Variants in ROCK1 observed in about 807,000 individuals in gnomAD.
ROCK1 encodes rho-associated protein kinase 1.
Under a neutral mutation model 196.8 loss-of-function variants are expected in ROCK1, and 36 were observed. That is an observed-to-expected ratio of 0.18 (90% CI 0.14 to 0.24). The LOEUF (loss-of-function observed/expected upper bound fraction) is 0.24, where lower values mean the gene tolerates loss of function less well. Among genes scored for constraint, ROCK1 ranks in the 10% least tolerant of loss-of-function variants. ROCK1 has a pLI of 1.00. For missense variants in ROCK1, 920 were observed against 1,562.0 expected (o/e 0.59, Z 6.93); for synonymous variants, 443 against 515.9 (o/e 0.86, Z 1.91).
At chr18:21,075,951 C>CAAAA (rs1286047222) in intron 1 of ROCK1, among the ~76,000 whole-genome samples, 2 of 65,080 alleles carry the variant, frequency 3.1e-5, no homozygotes, top group Non-Finnish European at 6.8e-5. Flanking sequence ...GACTCTGTCT[C>CAAAA]AAAAAAAAAA....
At chr18:20,990,094 T>A (rs1210141879) in intron 18 of ROCK1, among the ~76,000 whole-genome samples, 1 of 151,756 alleles carries the variant, frequency 6.6e-6, no homozygotes, top group African/African-American at 2.4e-5. Context: ...AATAAATAAT[T>A]TTTAAAAATT....
In ROCK1 at chr18:21,042,590, C is replaced by T. The variant is rs1398791549; in HGVS notation, c.795G>A (p.Gly265=). ...CTACAAGCATTTCGTATAAAAATACCCCAACCGACCACCAGTCACATTCTC... is the reference window on the plus strand; with the variant it reads ...CTACAAGCATTTCGTATAAAAATACTCCAACCGACCACCAGTCACATTCTC... ...YGRECDWWSV[G]VFLYEMLVGD... Residue 265 remains glycine (G), a synonymous_variant, in exon 7 of 33, where the codon GGG becomes GGA. Transcript: ENST00000399799. 1 of 1,613,626 alleles carries T rather than the reference C, an allele frequency of 6.2e-7. No homozygotes were observed. Among genetic ancestry groups the T allele is most frequent in the Non-Finnish European group, 8.5e-7 (1 of 1,179,774 alleles).
intron 1 of ROCK1, among the ~76,000 whole-genome samples, chr18:21,086,086 T>C (rs1469193525): frequency 6.6e-6 from 1 of 150,536 alleles, no homozygotes; most frequent in Non-Finnish European, 1.5e-5. Flanking sequence ...TCATACATTC[T>C]TTGGTTAGTA....
At chr18:21,083,599 A>G (rs2036500258) in intron 1 of ROCK1, among the ~76,000 whole-genome samples, 1 of 152,180 alleles carries the variant, frequency 6.6e-6, no homozygotes. Context: ...CAGCCTACTC[A>G]ATGTGAAGAT....
chr18:20,981,034 T>C (rs2035527599), intron 21 of ROCK1, among the ~76,000 whole-genome samples: 1 of 152,012 alleles, frequency 6.6e-6, no homozygotes, highest in Non-Finnish European at 1.5e-5. Flanking sequence ...TCTTGACTAA[T>C]GTTAGAAAAA....
intron 2 of ROCK1, among the ~76,000 whole-genome samples, chr18:21,056,220 A>T (rs1485718711): frequency 2.6e-5 from 4 of 152,152 alleles, no homozygotes; most frequent in Non-Finnish European, 5.9e-5. Flanking sequence ...CCAAATTTTT[A>T]TCTCTAGTCT....
intron 32 of ROCK1, chr18:20,953,371 A>C (rs2035208893): frequency 2.4e-6 from 1 of 415,448 alleles, no homozygotes. Context: ...TAGACACAGA[A>C]CTAAATAAAT....
At chr18:21,046,728 A>G (rs1395317777) in intron 4 of ROCK1, among the ~76,000 whole-genome samples, 1 of 152,362 alleles carries the variant, frequency 6.6e-6, no homozygotes, top group African/African-American at 2.4e-5. Context: ...TTAAACTAAA[A>G]AAAACAAGCC....
Position 21,111,303 on chromosome 18 carries a change from T to TC in ROCK1, c.-394dup. ...AGAGAAAGAGAAGCAGGGTGGAGAC[T>TC]CCCTCCGGGCAACAAGGGAGGGAGA... On this transcript the variant is annotated 5_prime_UTR_variant, in exon 1 of 33. Coordinates refer to ENST00000399799, the MANE Select transcript of ROCK1 (RefSeq NM_005406.3). This position sits in a 1 kb window ranked among gnomAD's most constrained non-coding sequence, Gnocchi z 4.2. The TC allele has an allele frequency of 2.2e-6, 1 of 454,174 alleles. No homozygotes were observed. Among genetic ancestry groups the TC allele is most frequent in the Non-Finnish European group, 3.9e-6 (1 of 259,454 alleles). 28.1% of individuals were successfully genotyped at this position (454,174 alleles called of 1,614,324 possible).
At chr18:21,023,912 A>C (rs1307877121) in intron 10 of ROCK1, among the ~76,000 whole-genome samples, 2 of 152,218 alleles carry the variant, frequency 1.3e-5, no homozygotes, top group Non-Finnish European at 2.9e-5. Context: ...CATATGACTT[A>C]ATATTCCTGC....
intron 11 of ROCK1, among the ~76,000 whole-genome samples, chr18:21,021,726 C>A (rs73959775): frequency 0.011 from 1,613 of 152,228 alleles, 34 homozygotes; most frequent in African/African-American, 0.037. Flanking sequence ...AAGGTAGCAA[C>A]CACTGATAAA....
intron 16 of ROCK1, among the ~76,000 whole-genome samples, chr18:21,003,896 C>T (rs2035747238): frequency 6.6e-6 from 1 of 151,870 alleles, no homozygotes; most frequent in South Asian, 2.1e-4. Context: ...ACTTCTGGTT[C>T]CAAGCAAACA....
At chr18:21,056,356 A>G (rs1472684458) in intron 2 of ROCK1, among the ~76,000 whole-genome samples, 6 of 152,144 alleles carry the variant, frequency 3.9e-5, no homozygotes, top group Non-Finnish European at 7.4e-5. Flanking sequence ...ACTTATACCT[A>G]TGTGTCCCAC....
intron 2 of ROCK1, among the ~76,000 whole-genome samples, chr18:21,061,335 C>G (rs2036288865): frequency 6.6e-6 from 1 of 152,158 alleles, no homozygotes; most frequent in Non-Finnish European, 1.5e-5. Flanking sequence ...CCGCTTCAGC[C>G]TCCCAAGGTG....
Position 20,984,610 on chromosome 18 carries a change from C to T in ROCK1, c.2305-75G>A, listed in dbSNP as rs550794982. On this transcript the variant is annotated intron_variant, in intron 19 of 32. Coordinates refer to ENST00000399799, the MANE Select transcript of ROCK1 (RefSeq NM_005406.3). Reference sequence around the variant, plus strand: ...TAGACATTATTTGAAAGACTACTAACCAAATCAAGTACATTATAATTCATG... The same window carrying T: ...TAGACATTATTTGAAAGACTACTAATCAAATCAAGTACATTATAATTCATG... 4 of 1,078,352 alleles carry T rather than the reference C, an allele frequency of 3.7e-6. No individual in the cohort carries two copies. The Admixed American group carries it at 9.9e-5, about 27-fold the overall frequency. The allele number at this position is 1,078,352 out of a possible 1,614,324, so 66.8% of individuals were successfully genotyped here. A position where few individuals can be genotyped will look rare whatever the true frequency, so the allele number is the denominator to read the frequency against.
intron 1 of ROCK1, among the ~76,000 whole-genome samples, chr18:21,095,355 G>A (rs1463056066): frequency 1.3e-5 from 2 of 151,642 alleles, no homozygotes; most frequent in Non-Finnish European, 2.9e-5. Flanking sequence ...CCCACTTCTA[G>A]GTACATATGC....
intron 16 of ROCK1, among the ~76,000 whole-genome samples, chr18:21,004,907 G>C (rs548777674): frequency 6.6e-6 from 1 of 152,134 alleles, no homozygotes; most frequent in Non-Finnish European, 1.5e-5. Context: ...CCTCAGCTAA[G>C]AACCAACAGG....
rs554462037 is a variant in ROCK1 at position 20,967,734 on chromosome 18, C to A, written c.3192+18G>T. The stretch of plus-strand genomic sequence containing the variant: ...ATAATCCTTCACACTCATATCCATA[C>A]ACACACAGAAACCTTACCGCTTGCA... On this transcript the variant is annotated intron_variant, in intron 26 of 32. Transcript: ENST00000399799. 1 of 1,553,298 alleles carries A rather than the reference C, an allele frequency of 6.4e-7. No homozygotes were observed. Among genetic ancestry groups the A allele is most frequent in the South Asian group, 1.2e-5 (1 of 81,064 alleles).
chr18:20,994,191 G>C (rs2035650866), intron 16 of ROCK1, among the ~76,000 whole-genome samples: 1 of 152,180 alleles, frequency 6.6e-6, no homozygotes, highest in African/African-American at 2.4e-5. Context: ...GTAGGAGAAA[G>C]AAACAGCTGC....
Sources: gnomAD v4.1 joint callset for allele counts (sites outside exome capture counted in the v4.1 genomes callset) on GRCh38, gnomAD v4.1.1 for gene constraint, Gnocchi (gnomAD v3.1) non-coding constraint, MANE v1.5 for transcripts, NCBI Gene and HGNC (gene_info 2026-07-23, HGNC 2026-07-21) for gene names.